COL4A4: variants seen among roughly 807,000 people sequenced by gnomAD.
COL4A4 encodes the protein collagen alpha-4(IV) chain.
In COL4A4, 105 loss-of-function variants were observed where a neutral mutation model predicts 192.9. The observed-to-expected ratio is 0.54, with a 90% CI of 0.46 to 0.64. The LOEUF is 0.64. COL4A4 is among the 30% of genes least tolerant of loss of function. The pLI is 0.00. For missense variants in COL4A4, 1,967 were observed against 2,169.3 expected (o/e 0.91, Z 1.85); for synonymous variants, 762 against 769.9 (o/e 0.99, Z 0.17).
chr2:227,013,578 G>A (rs924739708), intron 44 of COL4A4, among the ~76,000 whole-genome samples: 6 of 152,302 alleles, frequency 3.9e-5, no homozygotes, highest in Middle Eastern at 3.4e-3. Context: ...GGTGGCATCC[G>A]CAAGCCACGG....
At position 227,045,900 on chromosome 2, in the gene COL4A4, A is replaced by AT. The variant is rs1559488827; in HGVS notation, c.3289+1574_3289+1575insA. ...CATATATATGTATATATATTTAGATAGTATATATATGTATGTATATGTATA... is the reference window on the plus strand; with the variant it reads ...CATATATATGTATATATATTTAGATATGTATATATATGTATGTATATGTATA... On this transcript the variant is annotated intron_variant, in intron 35 of 47. Coordinates refer to ENST00000396625, the MANE Select transcript of COL4A4 (RefSeq NM_000092.5). Among the ~76,000 whole-genome samples the AT allele has an allele frequency of 2.4e-4, 20 of 84,952 alleles. 2 individuals carry two copies. The highest frequency in any genetic ancestry group is 8.4e-4 in the East Asian group (3 of 3,560). 55.7% of individuals were successfully genotyped at this position (84,952 alleles called of 152,430 possible).
intron 4 of COL4A4, among the ~76,000 whole-genome samples, chr2:227,126,092 C>A (rs1054719222): frequency 6.6e-6 from 1 of 152,092 alleles, no homozygotes; most frequent in Non-Finnish European, 1.5e-5. Flanking sequence ...CAGAAAAGAA[C>A]AATACAACAA....
intron 1 of COL4A4, among the ~76,000 whole-genome samples, chr2:227,151,262 A>T (rs1025034867): frequency 3.3e-5 from 5 of 152,152 alleles, no homozygotes; most frequent in Admixed American, 1.3e-4. Context: ...AATTCTTAAA[A>T]TTTTTTCCAA....
Position 227,114,354 on chromosome 2 carries a change from C to A in COL4A4, c.558+274G>T, listed in dbSNP as rs79064993. Reference sequence around the variant, plus strand: ...CCACACCAAATGAATATGTGGCCCACAATGTCAGGAGTTGAGAAACCTTGA... The same window carrying A: ...CCACACCAAATGAATATGTGGCCCAAAATGTCAGGAGTTGAGAAACCTTGA... On this transcript the variant is annotated intron_variant, in intron 8 of 47. Coordinates refer to ENST00000396625, the MANE Select transcript of COL4A4 (RefSeq NM_000092.5). 0.035 allele frequency among the ~76,000 whole-genome samples: 5,290 copies of A among 152,276 alleles called. 302 individuals are homozygous for A. Among genetic ancestry groups the A allele is most frequent in the African/African-American group, 0.12 (4,946 of 41,524 alleles).
chr2:227,082,502 G>A (rs1035143986), intron 22 of COL4A4, among the ~76,000 whole-genome samples: 3 of 152,222 alleles, frequency 2.0e-5, no homozygotes, highest in African/African-American at 7.2e-5. Flanking sequence ...TTATGTGTAT[G>A]TATCACTGGG....
At chr2:227,116,725 A>G (rs1005762993) in intron 7 of COL4A4, among the ~76,000 whole-genome samples, 2 of 152,240 alleles carry the variant, frequency 1.3e-5, no homozygotes, top group African/African-American at 4.8e-5. Context: ...AAGAGAAACC[A>G]GGAAAGTGGT....
intron 1 of COL4A4, among the ~76,000 whole-genome samples, chr2:227,158,904 T>G (rs891557859): frequency 4.6e-5 from 7 of 152,292 alleles, no homozygotes; most frequent in African/African-American, 1.7e-4. Flanking sequence ...GGAAAACTAT[T>G]TCTTTTATAA....
chr2:227,090,130 C>G (rs1026887937), intron 20 of COL4A4, among the ~76,000 whole-genome samples, 173 bp from the exon 21 acceptor site: 1 of 152,124 alleles, frequency 6.6e-6, no homozygotes, highest in Non-Finnish European at 1.5e-5. Context: ...AGAATATACA[C>G]ACATATAGAT....
intron 26 of COL4A4, among the ~76,000 whole-genome samples, chr2:227,060,929 G>A (rs1234954215): frequency 6.6e-6 from 1 of 151,900 alleles, no homozygotes; most frequent in Non-Finnish European, 1.5e-5. Flanking sequence ...GGGTTTCACC[G>A]TGTTAGCCAG....
chr2:227,119,913 T>C lies in COL4A4; in HGVS notation c.354A>G (p.Pro118=), dbSNP rs1432438341. 20 of 1,586,472 alleles carry C rather than the reference T, an allele frequency of 1.3e-5. No homozygotes were observed. The highest frequency in any genetic ancestry group is 1.7e-5 in the Non-Finnish European group (20 of 1,165,258). The part of the protein sequence containing the change: ...DKGPTGVPGF[P]GLDGIPGHPG... The stretch of plus-strand genomic sequence containing the variant: ...TACTTACAGGTATGCCATCTAAACC[T>C]GGAAATCCAGGAACACCAGTTGGAC... The change falls in exon 6 of 48, where the codon CCA becomes CCG. Residue 118 remains proline (P), a synonymous_variant. Transcript: ENST00000396625.
At chr2:227,081,216 T>G (rs1470523196) in intron 23 of COL4A4, among the ~76,000 whole-genome samples, 1 of 152,154 alleles carries the variant, frequency 6.6e-6, no homozygotes, top group Non-Finnish European at 1.5e-5. Flanking sequence ...GAGATTAACA[T>G]TTGAGTCAGT....
At chr2:227,009,123 C>T (rs989440742) in intron 46 of COL4A4, among the ~76,000 whole-genome samples, 2 of 152,208 alleles carry the variant, frequency 1.3e-5, no homozygotes, top group Non-Finnish European at 2.9e-5. Context: ...AAGAAACTAG[C>T]CCCTTGTGAT....
At chr2:227,156,801 A>C (rs542889326) in intron 1 of COL4A4, among the ~76,000 whole-genome samples, 1 of 152,326 alleles carries the variant, frequency 6.6e-6, no homozygotes, top group African/African-American at 2.4e-5. Flanking sequence ...TATAAATATT[A>C]ATATATGTGC....
At chr2:227,072,253 A>G (rs1229458934) in intron 25 of COL4A4, among the ~76,000 whole-genome samples, 1 of 152,066 alleles carries the variant, frequency 6.6e-6, no homozygotes, top group Non-Finnish European at 1.5e-5. Context: ...ACAAAAGACC[A>G]TTCAAGACTA....
intron 4 of COL4A4, among the ~76,000 whole-genome samples, chr2:227,121,410 T>C (rs2061776592): frequency 6.6e-6 from 1 of 151,212 alleles, no homozygotes; most frequent in Non-Finnish European, 1.5e-5. Flanking sequence ...ACAGAAAATA[T>C]AAAAATTAGC....
chr2:227,088,448 TG>T (rs1208042870), intron 22 of COL4A4, among the ~76,000 whole-genome samples: 1 of 152,202 alleles, frequency 6.6e-6, no homozygotes, highest in African/African-American at 2.4e-5. Context: ...CTCTGTCACC[TG>T]CTGTCGTGTA....
intron 22 of COL4A4, among the ~76,000 whole-genome samples, chr2:227,082,543 T>C (rs1445771795): frequency 1.3e-5 from 2 of 152,252 alleles, no homozygotes; most frequent in Non-Finnish European, 2.9e-5. Context: ...GGGAACTTTA[T>C]GACTGTGCAA....
chr2:227,160,749 C>A (rs2064762255), intron 1 of COL4A4, among the ~76,000 whole-genome samples: 1 of 152,160 alleles, frequency 6.6e-6, no homozygotes, highest in African/African-American at 2.4e-5. Context: ...AGAAAGCCTG[C>A]AGGACAGAAA....
At chr2:226,993,089 G>C in the COL4A4 span, among the ~76,000 whole-genome samples, 1 of 152,334 alleles carries the variant, frequency 6.6e-6, no homozygotes, top group Admixed American at 6.5e-5. Flanking sequence ...TGGGTCCAAG[G>C]CCGTGTGTGC....
Sources: gnomAD v4.1 joint callset for allele counts (sites outside exome capture counted in the v4.1 genomes callset) on GRCh38, gnomAD v4.1.1 for gene constraint, MANE v1.5 for transcripts, NCBI Gene and HGNC (gene_info 2026-07-23, HGNC 2026-07-21) for gene names.